APOBEC2: variants seen among roughly 807,000 people sequenced by gnomAD.
APOBEC2 encodes the protein apolipoprotein B mRNA editing enzyme catalytic subunit 2.
Under a neutral mutation model 19.4 loss-of-function variants are expected in APOBEC2, and 14 were observed. The ratio of observed to expected loss-of-function variants is 0.72; its 90% confidence interval spans 0.48 to 1.13. APOBEC2 has a LOEUF of 1.13. Ranked by LOEUF, APOBEC2 falls within the 50% of genes most tolerant of loss-of-function variation. The pLI is 0.00. For missense variants in APOBEC2, 304 were observed against 277.0 expected, an observed-to-expected ratio of 1.10 and a Z score of -0.69; for synonymous variants, 127 against 112.1, an observed-to-expected ratio of 1.13 and a Z score of -0.84.
chr6:41,053,517 A>T (rs1212041076), intron 1 of APOBEC2, 39 bp downstream of exon 1: 1 of 1,612,856 alleles, frequency 6.2e-7, no homozygotes, highest in Non-Finnish European at 8.5e-7. Context: ...GCTCCCTAGA[A>T]GAGTGCAGCC....
intron 1 of APOBEC2, among the ~76,000 whole-genome samples, chr6:41,056,137 T>TG (rs1002085329): frequency 1.3e-5 from 2 of 152,236 alleles, no homozygotes; most frequent in Non-Finnish European, 2.9e-5. Context: ...TTTTTGGAGA[T>TG]GGGGTCTTGC....
At chr6:41,057,559 G>C (rs1762811321) in intron 1 of APOBEC2, among the ~76,000 whole-genome samples, 1 of 152,088 alleles carries the variant, frequency 6.6e-6, no homozygotes, top group African/African-American at 2.4e-5. Flanking sequence ...CCCACTCCTT[G>C]GTATCCGCTT....
At position 41,061,395 on chromosome 6, in the gene APOBEC2, A is replaced by C; in HGVS notation, c.199A>C (p.Lys67Gln). Residue 67 changes from lysine (K) to glutamine (Q), a missense_variant, in exon 2 of 3, where the codon AAG becomes CAG. Transcript: ENST00000244669. ...RNVEYSSGRN[K>Q]TFLCYVVEAQ... is the part of the protein sequence containing the mutation. ...TGTGGAGTACAGTTCCGGGAGGAAC[A>C]AGACCTTCCTCTGCTATGTGGTTGA... The C allele has an allele frequency of 6.3e-7, 1 of 1,594,942 alleles. No individual in the cohort carries two copies. Among genetic ancestry groups the C allele is most frequent in the South Asian group, 1.1e-5 (1 of 87,646 alleles).
chr6:41,061,933 T>G, intron 2 of APOBEC2, 41 bp downstream of exon 2: 10 of 1,522,264 alleles, frequency 6.6e-6, no homozygotes, highest in Non-Finnish European at 8.0e-6. Flanking sequence ...CTTTATTATG[T>G]TAACTCCAGT....
Position 41,061,632 on chromosome 6 carries a change from C to A in APOBEC2, c.436C>A (p.Arg146Ser), listed in dbSNP as rs750220252. Residue 146 changes from arginine (R) to serine (S), a missense_variant, in exon 2 of 3, where the codon CGT (arginine) becomes AGT (serine). Coordinates refer to ENST00000244669, the MANE Select transcript of APOBEC2 (RefSeq NM_006789.4). ...AACCCTTAGCAAGACCAAGAACCTGCGTCTGCTCATTCTGGTGGGTCGACT... is the reference window on the plus strand; with the variant it reads ...AACCCTTAGCAAGACCAAGAACCTGAGTCTGCTCATTCTGGTGGGTCGACT... Reference protein sequence around the residue: ...IKTLSKTKNLRLLILVGRLFM... With the variant: ...IKTLSKTKNLSLLILVGRLFM... 1.2e-6 allele frequency: 2 copies of A among 1,614,128 alleles called. No homozygotes were observed. Among genetic ancestry groups the A allele is most frequent in the East Asian group, 2.2e-5 (1 of 44,902 alleles).
rs1018706795 is a variant in APOBEC2, at chr6:41,061,727, C to T, written c.531C>T (p.Arg177=). Residue 177 remains arginine (R), a synonymous_variant, in exon 2 of 3, where the codon CGC becomes CGT. Coordinates refer to ENST00000244669, the MANE Select transcript of APOBEC2 (RefSeq NM_006789.4). ...TGAAGGAGGCTGGCTGTAAACTGCG[C>T]ATCATGAAGCCCCAGGACTTCGAAT... The part of the protein sequence containing the change: ...KKLKEAGCKL[R]IMKPQDFEYV... 2.5e-6 allele frequency: 4 copies of T among 1,614,122 alleles called. No individual in the cohort carries two copies. In the Admixed American group the frequency reaches 5.0e-5, roughly 20 times the overall value.
chr6:41,061,967 T>C (rs1367895911), intron 2 of APOBEC2, 75 bp downstream of exon 2: 1 of 1,333,428 alleles, frequency 7.5e-7, no homozygotes, highest in African/African-American at 1.5e-5. Flanking sequence ...TCAGGTAGAA[T>C]CTGTGATATG....
At chr6:41,059,215 G>A (rs1357195569) in intron 1 of APOBEC2, among the ~76,000 whole-genome samples, 1 of 152,206 alleles carries the variant, frequency 6.6e-6, no homozygotes, top group Non-Finnish European at 1.5e-5. Context: ...GGACCACACA[G>A]CAGCTACTGT....
intron 2 of APOBEC2, among the ~76,000 whole-genome samples, chr6:41,063,186 T>C (rs1449474125): frequency 6.6e-6 from 1 of 152,126 alleles, no homozygotes; most frequent in Non-Finnish European, 1.5e-5. Flanking sequence ...TGCCAACCCA[T>C]GAAGATACAA....
chr6:41,060,451 T>C (rs1762856603), intron 1 of APOBEC2, among the ~76,000 whole-genome samples: 2 of 152,230 alleles, frequency 1.3e-5, no homozygotes, highest in African/African-American at 4.8e-5. Context: ...TTACTGTACC[T>C]ATCCAATTTT....
chr6:41,053,558 T>C (rs1762757480), intron 1 of APOBEC2, 80 bp downstream of exon 1: 1 of 1,580,616 alleles, frequency 6.3e-7, no homozygotes, highest in Non-Finnish European at 8.6e-7. Flanking sequence ...TCAGGATGGT[T>C]ATATTAGGCG....
chr6:41,062,899 A>C (rs992270678), intron 2 of APOBEC2, among the ~76,000 whole-genome samples: 2 of 152,166 alleles, frequency 1.3e-5, no homozygotes, highest in African/African-American at 4.8e-5. Flanking sequence ...GCAAGGCCCC[A>C]GTTACTGATC....
chr6:41,061,063 T>C (rs1329583224), intron 1 of APOBEC2, among the ~76,000 whole-genome samples: 2 of 152,038 alleles, frequency 1.3e-5, no homozygotes, highest in South Asian at 2.1e-4. Context: ...GGAAGAGTGA[T>C]GGTGGAGACA....
intron 1 of APOBEC2, among the ~76,000 whole-genome samples, chr6:41,057,392 G>A (rs1762810149): frequency 6.6e-6 from 1 of 152,116 alleles, no homozygotes; most frequent in South Asian, 2.1e-4. Flanking sequence ...CAAAGCTCAG[G>A]TGTGAAGACC....
Position 41,053,443 on chromosome 6 carries a change from G to A in APOBEC2, c.96G>A (p.Glu32=), listed in dbSNP as rs757165404. The change falls in exon 1 of 3, where the codon GAG becomes GAA. Residue 32 remains glutamate (E), a synonymous_variant. Coordinates refer to ENST00000244669, the MANE Select transcript of APOBEC2 (RefSeq NM_006789.4). ...ENLDDPEKLK[E]LIELPPFEIV... is the part of the protein sequence containing the mutation. The stretch of plus-strand genomic sequence containing the variant: ...TGGACGACCCTGAGAAGCTGAAAGA[G>A]CTGATTGAGCTGCCGCCCTTTGAGA... The A allele has an allele frequency of 1.5e-5, 24 of 1,614,124 alleles. No homozygotes were observed. In the Middle Eastern group the frequency reaches 4.9e-4, roughly 33 times the overall value.
chr6:41,061,602 AT>A lies in APOBEC2; in HGVS notation c.407del (p.Ile136ThrfsTer31), dbSNP rs747342464. On this transcript the variant is annotated frameshift_variant, in exon 2 of 3. Coordinates refer to ENST00000244669, the MANE Select transcript of APOBEC2 (RefSeq NM_006789.4). LOFTEE classifies it high-confidence loss of function. Reference protein sequence around the residue: ...SPCAACADRIIKTLSKTKNLR... With the variant: ...SPCAACADRIXKTLSKTKNLR... ...CTGTGCAGCGTGTGCTGACCGCATT[AT>A]CAAAACCCTTAGCAAGACCAAGAAC... is the stretch of plus-strand genomic sequence containing the variant. 6.2e-7 allele frequency: 1 copy of A among 1,614,232 alleles called. No homozygotes were observed. Among genetic ancestry groups the A allele is most frequent in the South Asian group, 1.1e-5 (1 of 91,088 alleles).
intron 2 of APOBEC2, among the ~76,000 whole-genome samples, chr6:41,063,534 CTTT>C (rs34638825): frequency 1.6e-3 from 135 of 85,366 alleles, no homozygotes; most frequent in East Asian, 6.3e-3. Context: ...GTCCTTAGAG[CTTT>C]TTTTTTTTTT....
intron 1 of APOBEC2, among the ~76,000 whole-genome samples, chr6:41,055,936 T>G (rs1253113532): frequency 6.6e-6 from 1 of 152,204 alleles, no homozygotes; most frequent in African/African-American, 2.4e-5. Flanking sequence ...AAATTGGGGA[T>G]TCTTCCTTCT....
rs1292469275 is a variant in APOBEC2, at chr6:41,061,395, A to G, written c.199A>G (p.Lys67Glu). Residue 67 changes from lysine (K) to glutamate (E), a missense_variant, in exon 2 of 3, where the codon AAG becomes GAG. Lys to Glu is a moderately conservative substitution (Grantham distance 56). Coordinates refer to ENST00000244669, the MANE Select transcript of APOBEC2 (RefSeq NM_006789.4). ...RNVEYSSGRN[K>E]TFLCYVVEAQ... ...TGTGGAGTACAGTTCCGGGAGGAACAAGACCTTCCTCTGCTATGTGGTTGA... is the reference window on the plus strand; with the variant it reads ...TGTGGAGTACAGTTCCGGGAGGAACGAGACCTTCCTCTGCTATGTGGTTGA... 5 of 1,594,824 alleles carry G rather than the reference A, an allele frequency of 3.1e-6. No individual in the cohort carries two copies. Among genetic ancestry groups the G allele is most frequent in the Non-Finnish European group, 4.3e-6 (5 of 1,171,418 alleles).
Sources: gnomAD v4.1 joint callset for allele counts (sites outside exome capture counted in the v4.1 genomes callset) on GRCh38, gnomAD v4.1.1 for gene constraint, MANE v1.5 for transcripts, NCBI Gene and HGNC (gene_info 2026-07-23, HGNC 2026-07-21) for gene names.